The following PIWIL2 variants were observed in gnomAD, a reference collection of about 807,000 sequenced individuals.
PIWIL2 encodes the protein piwi-like protein 2.
In PIWIL2, 81 loss-of-function variants were observed where a neutral mutation model predicts 116.5. The observed-to-expected ratio is 0.70, with a 90% CI of 0.58 to 0.84. PIWIL2 has a LOEUF of 0.84. Ranked by LOEUF, PIWIL2 falls within the 40% of genes least tolerant of loss-of-function variation. The pLI is 0.00. For missense variants in PIWIL2, 1,272 were observed against 1,212.3 expected, an observed-to-expected ratio of 1.05 and a Z score of -0.73; for synonymous variants, 489 against 429.5, an observed-to-expected ratio of 1.14 and a Z score of -1.71.
At position 22,293,315 on chromosome 8, in the gene PIWIL2, A is replaced by C. The variant is rs544986915; in HGVS notation, c.1181+2969A>C. On this transcript the variant is annotated intron_variant, in intron 10 of 22. Transcript: ENST00000356766. ...GCAAGTGAGACCCTGTCTTCAAAAA[A>C]ACAGAACTAGTTTTTATTTTCCTTT... Among the ~76,000 whole-genome samples the C allele has an allele frequency of 5.3e-5, 8 of 152,176 alleles. No homozygotes were observed. The South Asian group carries it at 1.5e-3, about 28-fold the overall frequency.
At chr8:22,300,047 C>G (rs999087538) in intron 10 of PIWIL2, among the ~76,000 whole-genome samples, 2 of 151,910 alleles carry the variant, frequency 1.3e-5, no homozygotes, top group African/African-American at 4.8e-5. Context: ...TCAGGTGATT[C>G]TCCTGCCTAG....
intron 20 of PIWIL2, among the ~76,000 whole-genome samples, chr8:22,340,505 G>A (rs1832083427): frequency 6.6e-6 from 1 of 152,152 alleles, no homozygotes; most frequent in Non-Finnish European, 1.5e-5. Context: ...CCAGATTAGA[G>A]TGGGTCCTAA....
intron 20 of PIWIL2, among the ~76,000 whole-genome samples, chr8:22,320,883 G>A (rs1431256847): frequency 6.6e-6 from 1 of 152,150 alleles, no homozygotes; most frequent in South Asian, 2.1e-4. Context: ...GTGAGCCACC[G>A]TGCCTAGCCA....
At chr8:22,300,788 A>G (rs1831027976) in intron 10 of PIWIL2, among the ~76,000 whole-genome samples, 1 of 151,998 alleles carries the variant, frequency 6.6e-6, no homozygotes, top group African/African-American at 2.4e-5. Context: ...CTTCCCATTC[A>G]TTTGTCTGCT....
intron 18 of PIWIL2, 129 bp from the exon 19 acceptor site, chr8:22,316,116 T>C: frequency 1.7e-6 from 1 of 603,354 alleles, no homozygotes; most frequent in Non-Finnish European, 3.0e-6. Context: ...TTTTTTTTTC[T>C]TTCCCAGAAC....
At position 22,304,027 on chromosome 8, in the gene PIWIL2, C is replaced by T; in HGVS notation, c.1188C>T (p.Ala396=). The T allele has an allele frequency of 1.2e-6, 2 of 1,609,536 alleles. No individual in the cohort carries two copies. Among genetic ancestry groups the T allele is most frequent in the South Asian group, 1.1e-5 (1 of 90,490 alleles). The change falls in exon 11 of 23, where the codon GCC becomes GCT. Residue 396 remains alanine, a synonymous_variant. Coordinates refer to ENST00000356766, the MANE Select transcript of PIWIL2 (RefSeq NM_018068.5). ...RNDCVLDVMH[A]IYQQNKEHFQ... ...CTTTTATCTCTTTCCAAAGGCATGC[C>T]ATTTATCAGCAGAATAAAGAACACT... is the stretch of plus-strand genomic sequence containing the variant.
chr8:22,354,410 T>C (rs764684731), intron 22 of PIWIL2, 32 bp downstream of exon 22: 13 of 1,384,710 alleles, frequency 9.4e-6, no homozygotes, highest in Non-Finnish European at 1.3e-5. Context: ...TCTTTCTCTT[T>C]CTTAAATAAT....
At chr8:22,349,413 G>A (rs1371105609) in intron 20 of PIWIL2, among the ~76,000 whole-genome samples, 1 of 122,582 alleles carries the variant, frequency 8.2e-6, no homozygotes. Context: ...CAATATATGT[G>A]TGTGTGTATA....
At position 22,283,114 on chromosome 8, in the gene PIWIL2, A is replaced by G; in HGVS notation, c.506A>G (p.Lys169Arg). The change falls in exon 5 of 23, where the codon AAG becomes AGG. Residue 169 changes from lysine to arginine, a missense_variant. Lys to Arg is a conservative substitution (Grantham distance 26). Transcript: ENST00000356766. ...AAGGISREVD[K>R]PPCTFSTPSR... The stretch of plus-strand genomic sequence containing the variant: ...GGTGGTATCAGCAGAGAAGTGGACA[A>G]GCCTCCCTGTACCTTCAGCACACCG... The G allele has an allele frequency of 1.2e-6, 2 of 1,614,118 alleles. No homozygotes were observed.
intron 20 of PIWIL2, among the ~76,000 whole-genome samples, chr8:22,326,421 C>G (rs1831725929): frequency 6.6e-6 from 1 of 152,066 alleles, no homozygotes; most frequent in African/African-American, 2.4e-5. Context: ...ACTTGGGGGG[C>G]TGAGGTAAGA....
chr8:22,327,826 A>G (rs1033186609), intron 20 of PIWIL2, among the ~76,000 whole-genome samples: 3 of 152,168 alleles, frequency 2.0e-5, no homozygotes, highest in African/African-American at 7.2e-5. Context: ...GTTGAGTCGT[A>G]GGAGTTTTTA....
intron 14 of PIWIL2, 24 bp from the exon 15 acceptor site, chr8:22,309,937 A>G (rs773099598): frequency 4.3e-6 from 6 of 1,391,772 alleles, no homozygotes; most frequent in African/African-American, 2.8e-5. Context: ...GGCTCATGTC[A>G]TAGATGGTTT....
Position 22,279,349 on chromosome 8 carries a change from C to G in PIWIL2, c.-38C>G. ...TTTGAAAATGATGGCAGGTAATTAACCAGAACAGGATCGACACGTGTTCTC... is the reference window on the plus strand; with the variant it reads ...TTTGAAAATGATGGCAGGTAATTAAGCAGAACAGGATCGACACGTGTTCTC... On this transcript the variant is annotated 5_prime_UTR_variant, in exon 2 of 23. Coordinates refer to ENST00000356766, the MANE Select transcript of PIWIL2 (RefSeq NM_018068.5). 6.6e-7 allele frequency: 1 copy of G among 1,519,734 alleles called. No homozygotes were observed. Among genetic ancestry groups the G allele is most frequent in the Non-Finnish European group, 9.1e-7 (1 of 1,094,272 alleles). The allele number at this position is 1,519,734 out of a possible 1,614,324, so 94.1% of individuals were successfully genotyped here. A position where few individuals can be genotyped will look rare whatever the true frequency, so the allele number is the denominator to read the frequency against.
At chr8:22,283,514 T>G (rs1830560686) in intron 5 of PIWIL2, among the ~76,000 whole-genome samples, 2 of 152,216 alleles carry the variant, frequency 1.3e-5, no homozygotes, top group South Asian at 4.1e-4. Context: ...GTTCAAGCAA[T>G]TCCCCTGCCT....
intron 20 of PIWIL2, among the ~76,000 whole-genome samples, chr8:22,328,633 A>G (rs775461420): frequency 1.3e-5 from 2 of 152,070 alleles, no homozygotes; most frequent in Non-Finnish European, 2.9e-5. Context: ...GTTTCCATGT[A>G]TAAGTCTTTA....
At chr8:22,279,907 A>G (rs1215623492) in intron 2 of PIWIL2, among the ~76,000 whole-genome samples, 1 of 152,212 alleles carries the variant, frequency 6.6e-6, no homozygotes, top group Non-Finnish European at 1.5e-5. Context: ...CGGTGAGCTG[A>G]GATCTCGCCA....
chr8:22,324,023 A>G (rs186479337), intron 20 of PIWIL2, among the ~76,000 whole-genome samples: 2 of 152,210 alleles, frequency 1.3e-5, no homozygotes, highest in Non-Finnish European at 2.9e-5. Flanking sequence ...GCACTTTGGG[A>G]GTCTGAGGTG....
At chr8:22,349,078 T>G (rs1363850720) in intron 20 of PIWIL2, among the ~76,000 whole-genome samples, 1 of 147,998 alleles carries the variant, frequency 6.8e-6, no homozygotes, top group Non-Finnish European at 1.5e-5. Flanking sequence ...AGATGGGATC[T>G]CACTCTGTCA....
intron 20 of PIWIL2, among the ~76,000 whole-genome samples, chr8:22,338,806 C>G (rs914029184): frequency 7.2e-5 from 11 of 152,246 alleles, no homozygotes; most frequent in African/African-American, 2.6e-4. Flanking sequence ...GTAACAAGAT[C>G]CATTGCAAAA....
Sources: allele counts gnomAD v4.1 joint callset (sites outside exome capture counted in the v4.1 genomes callset), GRCh38; gene constraint gnomAD v4.1.1; transcripts MANE v1.5; gene names NCBI Gene and HGNC (gene_info 2026-07-23, HGNC 2026-07-21).